PDE10A: variants seen among roughly 807,000 people sequenced by gnomAD.
PDE10A encodes the protein cAMP and cAMP-inhibited cGMP 3',5'-cyclic phosphodiesterase 10A.
PDE10A carries 39 observed loss-of-function variants against 97.7 expected under a neutral mutation model. The observed-to-expected ratio is 0.40, with a 90% CI of 0.31 to 0.52. The LOEUF (loss-of-function observed/expected upper bound fraction) is 0.52, where lower values mean the gene tolerates loss of function less well. PDE10A is among the 20% of genes least tolerant of loss of function. The pLI is 0.56. For synonymous variants in PDE10A, 371 were observed against 376.8 expected, an observed-to-expected ratio of 0.98 and a Z score of 0.18; for missense variants, 731 against 1,047.8, an observed-to-expected ratio of 0.70 and a Z score of 4.17.
intron 18 of PDE10A, among the ~76,000 whole-genome samples, chr6:165,351,719 G>C (rs1001176554): frequency 7.9e-5 from 12 of 152,178 alleles, no homozygotes; most frequent in African/African-American, 2.9e-4. Context: ...ATACAGTTTT[G>C]AGAGTAAAAG....
chr6:165,752,129 CAAAAAAAAAAA>C (rs58229023), intron 1 of PDE10A, among the ~76,000 whole-genome samples: 1 of 66,354 alleles, frequency 1.5e-5, no homozygotes, highest in African/African-American at 5.4e-5. Flanking sequence ...GGCAACAGAG[CAAAAAAAAAAA>C]AAAAAAAAAA....
At chr6:165,613,291 A>C (rs1044456090) in intron 1 of PDE10A, among the ~76,000 whole-genome samples, 10 of 152,298 alleles carry the variant, frequency 6.6e-5, no homozygotes, top group Non-Finnish European at 1.5e-4. Context: ...GATGATAATC[A>C]AGAAATTGCC....
intron 5 of PDE10A, among the ~76,000 whole-genome samples, chr6:165,445,481 G>T (rs926531737): frequency 6.6e-6 from 1 of 152,184 alleles, no homozygotes; most frequent in Non-Finnish European, 1.5e-5. Context: ...GGAGAGAAAA[G>T]TTGGGGCCTT....
chr6:165,652,513 GATGTTTAT>G (rs780677738), intron 1 of PDE10A, among the ~76,000 whole-genome samples: 41 of 152,164 alleles, frequency 2.7e-4, no homozygotes, highest in Non-Finnish European at 4.9e-4. Context: ...TAACACTTTA[GATGTTTAT>G]TTCAGAAGCT....
intron 1 of PDE10A, among the ~76,000 whole-genome samples, chr6:165,811,329 G>A (rs186167915): frequency 1.2e-3 from 187 of 152,302 alleles, no homozygotes; most frequent in African/African-American, 4.3e-3. Context: ...CATCATCTCT[G>A]CAGCTCTCCC....
In PDE10A at chr6:165,912,052, T is replaced by A. The variant is rs185141953; in HGVS notation, c.-615+75477A>T. ...CTTTTCACCTATCTATCTCTATCTC[T>A]ATTATCTGTTTATCATCTCTATCAA... On this transcript the variant is annotated intron_variant, in intron 1 of 19. Coordinates refer to the PDE10A transcript ENST00000366882. 3.5e-3 allele frequency among the ~76,000 whole-genome samples: 533 copies of A among 152,148 alleles called. 7 individuals are homozygous for A. Among genetic ancestry groups the A allele is most frequent in the African/African-American group, 0.012 (508 of 41,496 alleles).
intron 2 of PDE10A, among the ~76,000 whole-genome samples, chr6:165,516,820 A>C (rs956270133): frequency 1.3e-5 from 2 of 152,194 alleles, no homozygotes; most frequent in African/African-American, 4.8e-5. Context: ...TGTTCTTACA[A>C]ACGGCAACAG....
intron 1 of PDE10A, among the ~76,000 whole-genome samples, chr6:165,693,148 C>T (rs1256259718): frequency 1.3e-5 from 2 of 152,176 alleles, no homozygotes; most frequent in African/African-American, 4.8e-5. Flanking sequence ...GGGTTTCACT[C>T]TGGATGCTGT....
At position 165,619,144 on chromosome 6, in the gene PDE10A, C is replaced by CTAGTGTCGTGTAGTG. The variant is rs1219058668; in HGVS notation, c.865+42788_865+42802dup. On this transcript the variant is annotated intron_variant, in intron 1 of 21. Coordinates refer to ENST00000539869, the MANE Select transcript of PDE10A (RefSeq NM_001385079.1). Reference sequence around the variant, plus strand: ...CTAGCATAGTCTAGTGTAGTGTAGTCTAGTGTCGTGTAGTGTAGTGTAGTG... The same window carrying CTAGTGTCGTGTAGTG: ...CTAGCATAGTCTAGTGTAGTGTAGTCTAGTGTCGTGTAGTGTAGTGTCGTGTAGTGTAGTGTAGTG... Among the ~76,000 whole-genome samples, 33 of 99,050 alleles carry CTAGTGTCGTGTAGTG rather than the reference C, an allele frequency of 3.3e-4. 3 individuals are homozygous for CTAGTGTCGTGTAGTG. The highest frequency in any genetic ancestry group is 1.6e-3 in the African/African-American group (32 of 20,528). The allele number at this position is 99,050 out of a possible 152,430, so 65.0% of individuals were successfully genotyped here.
At chr6:165,677,964 CTA>C (rs1790848807) in intron 1 of PDE10A, among the ~76,000 whole-genome samples, 2 of 150,930 alleles carry the variant, frequency 1.3e-5, no homozygotes, top group Admixed American at 6.6e-5. Context: ...GTTTGTATAT[CTA>C]TGTGTTTTGT....
chr6:165,726,511 G>A (rs1297428148), intron 1 of PDE10A, among the ~76,000 whole-genome samples: 2 of 152,180 alleles, frequency 1.3e-5, no homozygotes, highest in Non-Finnish European at 2.9e-5. Context: ...AATGAGAAGA[G>A]CACGGGTGCC....
At chr6:165,806,651 C>A (rs904397225) in intron 1 of PDE10A, among the ~76,000 whole-genome samples, 1 of 151,382 alleles carries the variant, frequency 6.6e-6, no homozygotes, top group Non-Finnish European at 1.5e-5. Context: ...TGCTGAGCGC[C>A]CCCCCCCAGG....
At chr6:165,619,534 CTAAT>C (rs1787997893) in intron 1 of PDE10A, among the ~76,000 whole-genome samples, 11 of 5,576 alleles carry the variant, frequency 2.0e-3, no homozygotes, top group South Asian at 5.7e-3. Flanking sequence ...GTAGTGTAGT[CTAAT>C]GTAGTGTAGT....
intron 8 of PDE10A, 144 bp from the exon 9 acceptor site, chr6:165,430,489 A>G (rs1349095357): frequency 5.3e-6 from 3 of 562,556 alleles, no homozygotes; most frequent in African/African-American, 3.8e-5. Context: ...ATCAATAACC[A>G]TTAATATTTA....
chr6:165,760,245 A>G (rs1331081543), intron 1 of PDE10A, among the ~76,000 whole-genome samples: 1 of 152,166 alleles, frequency 6.6e-6, no homozygotes, highest in African/African-American at 2.4e-5. Context: ...TTGAGATTTA[A>G]TGGATTATTC....
intron 1 of PDE10A, among the ~76,000 whole-genome samples, chr6:165,681,002 G>A (rs1790960601): frequency 6.6e-6 from 1 of 152,184 alleles, no homozygotes; most frequent in East Asian, 1.9e-4. Flanking sequence ...TTACATTGCT[G>A]AAGAGCCCAT....
chr6:165,559,306 C>T (rs1433825349), intron 1 of PDE10A, among the ~76,000 whole-genome samples: 5 of 152,192 alleles, frequency 3.3e-5, no homozygotes, highest in African/African-American at 1.2e-4. Context: ...AAAATAGGGG[C>T]TAAGAGGGAT....
chr6:165,338,437 T>C (rs1781774949), intron 20 of PDE10A, among the ~76,000 whole-genome samples: 1 of 152,166 alleles, frequency 6.6e-6, no homozygotes, highest in African/African-American at 2.4e-5. Flanking sequence ...CTCTCAGAAA[T>C]ATATGACACC....
intron 1 of PDE10A, among the ~76,000 whole-genome samples, chr6:165,601,428 C>T (rs1786943325): frequency 6.6e-6 from 1 of 152,124 alleles, no homozygotes; most frequent in African/African-American, 2.4e-5. Context: ...TTATTCAGTG[C>T]CTGCTGTGTA....
Sources: gnomAD v4.1 joint callset for allele counts (sites outside exome capture counted in the v4.1 genomes callset) on GRCh38, gnomAD v4.1.1 for gene constraint, MANE v1.5 for transcripts, NCBI Gene and HGNC (gene_info 2026-07-23, HGNC 2026-07-21) for gene names.